The following UBE2G1 variants were observed in gnomAD, a reference collection of about 807,000 sequenced individuals.
UBE2G1 encodes ubiquitin conjugating enzyme E2 G1.
Under a neutral mutation model 22.7 loss-of-function variants are expected in UBE2G1, and 5 were observed. The observed-to-expected ratio is 0.22, with a 90% CI of 0.12 to 0.46. The LOEUF is 0.46. Among genes scored for constraint, UBE2G1 ranks in the 20% least tolerant of loss-of-function variants. UBE2G1 has a pLI of 0.99. For synonymous variants in UBE2G1, 74 were observed against 67.5 expected, an observed-to-expected ratio of 1.10 and a Z score of -0.47; for missense variants, 88 against 203.9, an observed-to-expected ratio of 0.43 and a Z score of 3.46.
At chr17:4,366,147 C>T in intron 1 of UBE2G1, 124 bp downstream of exon 1, 1 of 1,039,312 alleles carries the variant, frequency 9.6e-7, no homozygotes, top group Non-Finnish European at 1.3e-6. Context: ...GCCTCGAGGT[C>T]CCCACCCTCG....
At chr17:4,325,454 G>C (rs950892041) in intron 1 of UBE2G1, among the ~76,000 whole-genome samples, 2 of 152,120 alleles carry the variant, frequency 1.3e-5, no homozygotes, top group African/African-American at 4.8e-5. Flanking sequence ...ACACTATTCT[G>C]TATAAGTGAA....
intron 1 of UBE2G1, among the ~76,000 whole-genome samples, chr17:4,335,036 A>G (rs1598198183): frequency 1.3e-5 from 2 of 152,218 alleles, no homozygotes. Flanking sequence ...AATCACATCG[A>G]GCACAGCAGA....
At chr17:4,347,469 CTTTTTT>C (rs34014821) in intron 1 of UBE2G1, among the ~76,000 whole-genome samples, 12 of 89,528 alleles carry the variant, frequency 1.3e-4, no homozygotes, top group African/African-American at 3.4e-4. Flanking sequence ...AGTATTTCTT[CTTTTTT>C]TTTTTTTTTT....
At chr17:4,277,177 A>C (rs1968830741) in intron 5 of UBE2G1, among the ~76,000 whole-genome samples, 1 of 152,148 alleles carries the variant, frequency 6.6e-6, no homozygotes, top group Non-Finnish European at 1.5e-5. Flanking sequence ...ACTGAGGGAG[A>C]ACTCCAGCCA....
chr17:4,274,275 G>A (rs918281296), intron 5 of UBE2G1, among the ~76,000 whole-genome samples: 1 of 144,830 alleles, frequency 6.9e-6, no homozygotes, highest in African/African-American at 2.6e-5. Context: ...TCGGCTCACT[G>A]CAAGCTCCAC....
intron 1 of UBE2G1, among the ~76,000 whole-genome samples, chr17:4,330,976 C>CCA (rs57051928): frequency 0.11 from 15,698 of 143,596 alleles, 1,003 homozygotes; most frequent in Non-Finnish European, 0.15. Flanking sequence ...ACCTTTAAAA[C>CCA]CACACACACA....
intron 5 of UBE2G1, among the ~76,000 whole-genome samples, chr17:4,273,952 A>G (rs887072827): frequency 6.6e-6 from 1 of 152,182 alleles, no homozygotes; most frequent in Non-Finnish European, 1.5e-5. Context: ...GACATGTTCA[A>G]AATTCAGCAT....
intron 2 of UBE2G1, among the ~76,000 whole-genome samples, chr17:4,303,455 G>A (rs2325942): frequency 0.95 from 145,075 of 152,278 alleles, 69,544 homozygotes; most frequent in East Asian, 1. Context: ...CTAAGCATAG[G>A]GTTTTTACCC....
At position 4,366,307 on chromosome 17, in the gene UBE2G1, G is replaced by A. The variant is rs776230531; in HGVS notation, c.10C>T (p.Leu4=). The part of the protein sequence containing the change: MTE[L]QSALLLRRQL... ...CTTCGCAGTAGCAGTGCCGACTGCA[G>A]CTCCGTCATCCTCCCTGCCGAGGGC... The change falls in exon 1 of 6, where the codon CTG becomes TTG. Residue 4 remains leucine, a synonymous_variant. Coordinates refer to ENST00000396981, the MANE Select transcript of UBE2G1 (RefSeq NM_003342.5). The A allele has an allele frequency of 3.2e-6, 5 of 1,552,010 alleles. No individual in the cohort carries two copies. The highest frequency in any genetic ancestry group is 1.8e-5 in the Admixed American group (1 of 54,350).
At chr17:4,324,671 G>A (rs1056457441) in intron 1 of UBE2G1, among the ~76,000 whole-genome samples, 1 of 152,090 alleles carries the variant, frequency 6.6e-6, no homozygotes, top group Non-Finnish European at 1.5e-5. Context: ...TCCCAACTCA[G>A]CCTCCCAAAA....
intron 1 of UBE2G1, among the ~76,000 whole-genome samples, chr17:4,352,647 T>C (rs764810331): frequency 2.0e-5 from 3 of 152,120 alleles, no homozygotes. Context: ...CATGACAGAG[T>C]TGTTCATTAA....
intron 4 of UBE2G1, among the ~76,000 whole-genome samples, chr17:4,288,779 A>G (rs1379359896): frequency 6.6e-6 from 1 of 152,244 alleles, no homozygotes; most frequent in Non-Finnish European, 1.5e-5. Flanking sequence ...GTGTTCTCAC[A>G]ATAAAATTAG....
rs917080464 is a variant in UBE2G1 at position 4,313,220 on chromosome 17, G to A, written c.47-6097C>T. ...ATTTGAGTGGAGGTGGTCCTCCTAT[G>A]CAGGACACAAAACTCAACAGTCAAA... On this transcript the variant is annotated intron_variant, in intron 1 of 5. Transcript: ENST00000396981. Among the ~76,000 whole-genome samples, 5 of 152,182 alleles carry A rather than the reference G, an allele frequency of 3.3e-5. No homozygotes were observed. The East Asian group carries it at 9.6e-4, about 29-fold the overall frequency.
At position 4,317,154 on chromosome 17, in the gene UBE2G1, A is replaced by C. The variant is rs187813139; in HGVS notation, c.47-10031T>G. Among the ~76,000 whole-genome samples, 285 of 152,186 alleles carry C rather than the reference A, an allele frequency of 1.9e-3. 1 individual carries two copies. The highest frequency in any genetic ancestry group is 2.5e-3 in the Non-Finnish European group (169 of 68,008). ...AACCTGAGGTCAGGAGTTTAAGACA[A>C]GCCTGGCCAGAATGGTGAAACCCCA... On this transcript the variant is annotated intron_variant, in intron 1 of 5. Coordinates refer to ENST00000396981, the MANE Select transcript of UBE2G1 (RefSeq NM_003342.5).
chr17:4,315,636 AG>A (rs1969358615), intron 1 of UBE2G1, among the ~76,000 whole-genome samples: 1 of 150,320 alleles, frequency 6.7e-6, no homozygotes, highest in Non-Finnish European at 1.5e-5. Flanking sequence ...GCTACTCGGG[AG>A]GCTGAGGCAG....
At chr17:4,296,506 G>A (rs900237803) in intron 3 of UBE2G1, among the ~76,000 whole-genome samples, 5 of 152,108 alleles carry the variant, frequency 3.3e-5, no homozygotes, top group Admixed American at 6.6e-5. Context: ...CAAGTGATCC[G>A]CCTGCCTGGC....
chr17:4,284,832 TTCTTTC>T lies in UBE2G1; in HGVS notation c.427-1917_427-1912del, dbSNP rs1476877815. On this transcript the variant is annotated intron_variant, in intron 4 of 5. Transcript: ENST00000396981. The stretch of plus-strand genomic sequence containing the variant: ...CTTTTTCTTTTTCTTTTCTTTTCTT[TTCTTTC>T]TTTTTTTTTTTTTTTTTTTTTTTGG... 1.0e-3 allele frequency among the ~76,000 whole-genome samples: 92 copies of T among 90,540 alleles called. 1 individual carries two copies. The highest frequency in any genetic ancestry group is 3.4e-3 in the African/African-American group (82 of 23,988). The allele number at this position is 90,540 out of a possible 152,430, so 59.4% of individuals were successfully genotyped here. A position where few individuals can be genotyped will look rare whatever the true frequency, so the allele number is the denominator to read the frequency against.
chr17:4,291,133 G>A (rs935329564), intron 3 of UBE2G1, among the ~76,000 whole-genome samples: 1 of 152,132 alleles, frequency 6.6e-6, no homozygotes, highest in African/African-American at 2.4e-5. Context: ...GGCCGAGGAG[G>A]GCAGATCACC....
intron 2 of UBE2G1, among the ~76,000 whole-genome samples, chr17:4,297,100 C>A (rs529759917): frequency 6.6e-6 from 1 of 152,184 alleles, no homozygotes; most frequent in Non-Finnish European, 1.5e-5. Context: ...GCTACAAACC[C>A]TTCCATCACT....
Sources: allele counts gnomAD v4.1 joint callset (sites outside exome capture counted in the v4.1 genomes callset), GRCh38; gene constraint gnomAD v4.1.1; transcripts MANE v1.5; gene names NCBI Gene and HGNC (gene_info 2026-07-23, HGNC 2026-07-21).